Variants in TPP1 observed in about 807,000 individuals in gnomAD.
The protein encoded by TPP1 is tripeptidyl-peptidase 1.
A neutral mutation model predicts 67.6 loss-of-function variants in TPP1; 43 were observed. The ratio of observed to expected loss-of-function variants is 0.64; its 90% confidence interval spans 0.50 to 0.82. The LOEUF (loss-of-function observed/expected upper bound fraction) is 0.82. TPP1 is among the 40% of genes least tolerant of loss of function. TPP1 has a pLI of 0.00. For missense variants in TPP1, 671 were observed against 710.9 expected, an observed-to-expected ratio of 0.94 and a Z score of 0.64; for synonymous variants, 272 against 281.5, an observed-to-expected ratio of 0.97 and a Z score of 0.34.
intron 9 of TPP1, 88 bp downstream of exon 9, chr11:6,615,917 C>A: frequency 6.9e-7 from 1 of 1,452,652 alleles, no homozygotes; most frequent in Admixed American, 1.7e-5. Flanking sequence ...CACAGGAGCA[C>A]ATGGTGGGGT....
chr11:6,618,072 C>A, intron 3 of TPP1: 1 of 450,162 alleles, frequency 2.2e-6, no homozygotes. Flanking sequence ...ATAAATTTTC[C>A]ATTTTAATTT....
rs138941580 is a variant in TPP1, at chr11:6,614,903, G to A, written c.1514C>T (p.Pro505Leu). 1.2e-6 allele frequency: 2 copies of A among 1,614,098 alleles called. No individual in the cohort carries two copies. Among genetic ancestry groups the A allele is most frequent in the African/African-American group, 1.3e-5 (1 of 75,008 alleles). ...SGRPPLGFLNPRLYQQHGAGL... is the reference protein window; with the variant it reads ...SGRPPLGFLNLRLYQQHGAGL... ...TGCCCCATGCTGCTGGTAGAGCCTT[G>A]GGTTGAGAAAGCCAAGAGGGGGGCG... is the stretch of plus-strand genomic sequence containing the variant. The change falls in exon 12 of 13, where the codon CCA becomes CTA. Residue 505 changes from proline to leucine, a missense_variant. By Grantham distance (98) the Pro-to-Leu change is moderately conservative. Transcript: ENST00000299427.
In TPP1 at chr11:6,614,662, A is replaced by G. The variant is rs1855547931; in HGVS notation, c.1576T>C (p.Cys526Arg). 6.2e-7 allele frequency: 1 copy of G among 1,614,154 alleles called. No individual in the cohort carries two copies. The highest frequency in any genetic ancestry group is 8.5e-7 in the Non-Finnish European group (1 of 1,180,010). Residue 526 changes from cysteine (C) to arginine (R), a missense_variant, in exon 13 of 13, where the codon TGT (cysteine) becomes CGT (arginine). Physicochemically the swap from Cys to Arg is radical, Grantham distance 180 (BLOSUM62 -3). Coordinates refer to ENST00000299427, the MANE Select transcript of TPP1 (RefSeq NM_000391.4). ...TGGCCCTCTACCTCTTCATCCAGAC[A>G]GGACTCATGGCAGCCACGGGTTACC... is the stretch of plus-strand genomic sequence containing the variant. ...FDVTRGCHES[C>R]LDEEVEGQGF...
chr11:6,619,336 G>A (rs1234491845), intron 1 of TPP1, 48 bp downstream of exon 1: 1 of 1,614,092 alleles, frequency 6.2e-7, no homozygotes, highest in East Asian at 2.2e-5. Flanking sequence ...CCCAATGTGT[G>A]CTCCCTCCAA....
In TPP1 at chr11:6,616,656, A is replaced by G; in HGVS notation, c.886+5T>C. On this transcript the variant is annotated splice_donor_5th_base_variant and intron_variant, in intron 7 of 12. Coordinates refer to ENST00000299427, the MANE Select transcript of TPP1 (RefSeq NM_000391.4). ...TTCCCCACTGTCCAGTCCTCTTGGT[A>G]GTACCAGGGCTACTGTAGACCCAGG... The G allele has an allele frequency of 1.2e-6, 2 of 1,613,902 alleles. No individual in the cohort carries two copies. The highest frequency in any genetic ancestry group is 1.7e-6 in the Non-Finnish European group (2 of 1,179,976).
rs121908203 is a variant in TPP1 at position 6,615,179 on chromosome 11, C to T, written c.1417G>A (p.Gly473Arg). 25 of 1,614,124 alleles carry T rather than the reference C, an allele frequency of 1.5e-5. No individual in the cohort carries two copies. The highest frequency in any genetic ancestry group is 1.6e-4 in the Middle Eastern group (1 of 6,062). The change falls in exon 11 of 13, where the codon GGA becomes AGA. Residue 473 changes from glycine to arginine, a missense_variant. Physicochemically the swap from Gly to Arg is moderately radical, Grantham distance 125. Transcript: ENST00000299427. Reference protein sequence around the residue: ...SNRVPIPWVSGTSASTPVFGG... With the variant: ...SNRVPIPWVSRTSASTPVFGG... The stretch of plus-strand genomic sequence containing the variant: ...GATGGGCTGATTCTCACCGAGGTTC[C>T]GGACACCCATGGAATGGGCACTCTG...
rs117834287 is a variant in TPP1 at position 6,615,070 on chromosome 11, G to A, written c.1426-79C>T. On this transcript the variant is annotated intron_variant, in intron 11 of 12. Coordinates refer to ENST00000299427, the MANE Select transcript of TPP1 (RefSeq NM_000391.4). ...TTGGGAGTGATGCTTTAAAGTATCAGACATCTCTAAGGAGTCAGGGGTTCT... is the reference window on the plus strand; with the variant it reads ...TTGGGAGTGATGCTTTAAAGTATCAAACATCTCTAAGGAGTCAGGGGTTCT... 413 of 1,612,886 alleles carry A rather than the reference G, an allele frequency of 2.6e-4. 4 individuals are homozygous for A. The East Asian group carries it at 8.2e-3, about 32-fold the overall frequency.
At position 6,614,441 on chromosome 11, in the gene TPP1, C is replaced by T; in HGVS notation, c.*105G>A. ...GGTTAGGGAGATAAGCTGTCTGCAG[C>T]AGTCAATAGTTGAGGGTTCAGCAGG... On this transcript the variant is annotated 3_prime_UTR_variant, in exon 13 of 13. Transcript: ENST00000299427. 6.7e-7 allele frequency: 1 copy of T among 1,492,658 alleles called. No homozygotes were observed. The highest frequency in any genetic ancestry group is 1.2e-5 in the South Asian group (1 of 86,380). 92.5% of individuals were successfully genotyped at this position (1,492,658 alleles called of 1,614,324 possible).
At position 6,616,273 on chromosome 11, in the gene TPP1, G is replaced by A. The variant is rs2072651; in HGVS notation, c.1075+42C>T. The A allele has an allele frequency of 0.17, 277,305 of 1,611,728 alleles. 24,944 individuals are homozygous for A. Among genetic ancestry groups the A allele is most frequent in the East Asian group, 0.33 (14,940 of 44,860 alleles). ...ACTGTGGAGTCAAAGCTCCCAGGCT[G>A]CAGAGGTGTAAGCATTGTCTAAGTT... is the stretch of plus-strand genomic sequence containing the variant. On this transcript the variant is annotated intron_variant, in intron 8 of 12. Coordinates refer to ENST00000299427, the MANE Select transcript of TPP1 (RefSeq NM_000391.4).
At chr11:6,618,426 G>A (rs769963581) in intron 3 of TPP1, 9 of 507,354 alleles carry the variant, frequency 1.8e-5, no homozygotes, top group Non-Finnish European at 3.2e-5. Context: ...AATAAATAAC[G>A]GAGTTGGTCG....
chr11:6,616,034 GTGTCTTCC>G lies in TPP1; in HGVS notation c.1108_1115del (p.Gly370ProfsTer30). Reference sequence around the variant, plus strand: ...AGGCAGGGAAGGTAGGGCGGAACTGGTGTCTTCCAGAGACAGACCAACACCCGGCCCCA... The same window carrying G: ...AGGCAGGGAAGGTAGGGCGGAACTGGAGAGACAGACCAACACCCGGCCCCA... On this transcript the variant is annotated frameshift_variant, in exon 9 of 13. Coordinates refer to ENST00000299427, the MANE Select transcript of TPP1 (RefSeq NM_000391.4). LOFTEE classifies it high-confidence loss of function. 6.2e-7 allele frequency: 1 copy of G among 1,614,206 alleles called. No homozygotes were observed. Among genetic ancestry groups the G allele is most frequent in the Non-Finnish European group, 8.5e-7 (1 of 1,180,038 alleles).
chr11:6,615,709 G>A (rs1485342701), intron 9 of TPP1, 147 bp from the exon 10 acceptor site: 3 of 1,086,780 alleles, frequency 2.8e-6, no homozygotes, highest in Admixed American at 4.0e-5. Context: ...GAGATTTTGA[G>A]CCTTCAAGGC....
In TPP1 at chr11:6,613,322, G is replaced by C. The variant is rs527416025; in HGVS notation, c.*1224C>G. 1 of 152,204 alleles carries C rather than the reference G, an allele frequency of 6.6e-6. No individual in the cohort carries two copies. The highest frequency in any genetic ancestry group is 2.4e-5 in the African/African-American group (1 of 41,436). 9.4% of individuals were successfully genotyped at this position (152,204 alleles called of 1,614,324 possible). A position where few individuals can be genotyped will look rare whatever the true frequency, so the allele number is the denominator to read the frequency against. ...TCAGGGGTGGTAAGGGGACGGAACA[G>C]CTTGAGCAAGAGTGAGAGTTCCTTG... is the stretch of plus-strand genomic sequence containing the variant. On this transcript the variant is annotated 3_prime_UTR_variant, in exon 13 of 13. Coordinates refer to ENST00000299427, the MANE Select transcript of TPP1 (RefSeq NM_000391.4).
Position 6,617,080 on chromosome 11 carries a change from T to A in TPP1, c.582A>T (p.Val194=). 1 of 1,614,114 alleles carries A rather than the reference T, an allele frequency of 6.2e-7. No homozygotes were observed. Residue 194 remains valine, a synonymous_variant, in exon 6 of 13, where the codon GTA becomes GTT. Coordinates refer to ENST00000299427, the MANE Select transcript of TPP1 (RefSeq NM_000391.4). The part of the protein sequence containing the change: ...QRPEPQVTGT[V]GLHLGVTPSV... ...AGGGGGTTACCCCCAGATGCAGGCCTACAGTCCCTGTCACCTGCGGCTCAG... is the reference window on the plus strand; with the variant it reads ...AGGGGGTTACCCCCAGATGCAGGCCAACAGTCCCTGTCACCTGCGGCTCAG...
chr11:6,615,593 G>C (rs375550540), intron 9 of TPP1, 31 bp from the exon 10 acceptor site: 4 of 1,613,606 alleles, frequency 2.5e-6, no homozygotes, highest in Non-Finnish European at 3.4e-6. Flanking sequence ...TTGGATAGTA[G>C]GGGACCCAAG....
intron 3 of TPP1, chr11:6,618,505 T>C (rs751898644): frequency 1.2e-4 from 73 of 597,404 alleles, no homozygotes; most frequent in Non-Finnish European, 2.1e-4. Flanking sequence ...AGCCTTAGTA[T>C]GTGAACAAAA....
chr11:6,614,512 C>G lies in TPP1; in HGVS notation c.*34G>C. The G allele has an allele frequency of 1.2e-6, 2 of 1,614,020 alleles. No homozygotes were observed. The highest frequency in any genetic ancestry group is 1.7e-6 in the Non-Finnish European group (2 of 1,179,990). The stretch of plus-strand genomic sequence containing the variant: ...AGGGACTGAACTGCCAGCTTCAGGG[C>G]AGGGGACAAGCCATCTCTCCTGATA... On this transcript the variant is annotated 3_prime_UTR_variant, in exon 13 of 13. Coordinates refer to ENST00000299427, the MANE Select transcript of TPP1 (RefSeq NM_000391.4).
In TPP1 at chr11:6,615,091, G is replaced by A; in HGVS notation, c.1425+80C>T. 3.1e-6 allele frequency: 5 copies of A among 1,613,754 alleles called. No individual in the cohort carries two copies. The South Asian group carries it at 5.5e-5, about 18-fold the overall frequency. On this transcript the variant is annotated intron_variant, in intron 11 of 12. Coordinates refer to ENST00000299427, the MANE Select transcript of TPP1 (RefSeq NM_000391.4). ...ATCAGACATCTCTAAGGAGTCAGGGGTTCTAGGTGCAAGGTGTTCAAGGTG... is the reference window on the plus strand; with the variant it reads ...ATCAGACATCTCTAAGGAGTCAGGGATTCTAGGTGCAAGGTGTTCAAGGTG...
In TPP1 at chr11:6,614,601, G is replaced by C. The variant is rs767154380; in HGVS notation, c.1637C>G (p.Thr546Arg). ...TGGGAAGTTGGGTGTTCCCCAGCCT[G>C]TTACAGGATCCCAGCCAGGACCAGA... Reference protein sequence around the residue: ...FCSGPGWDPVTGWGTPNFPAL... With the variant: ...FCSGPGWDPVRGWGTPNFPAL... The change falls in exon 13 of 13, where the codon ACA (threonine) becomes AGA (arginine). Residue 546 changes from threonine to arginine, a missense_variant. Physicochemically the swap from Thr to Arg is moderately conservative, Grantham distance 71. Transcript: ENST00000299427. The C allele has an allele frequency of 6.2e-7, 1 of 1,614,150 alleles. No individual in the cohort carries two copies. The highest frequency in any genetic ancestry group is 8.5e-7 in the Non-Finnish European group (1 of 1,180,010).
Sources: gnomAD v4.1 joint callset for allele counts on GRCh38, gnomAD v4.1.1 for gene constraint, MANE v1.5 for transcripts, NCBI Gene and HGNC (gene_info 2026-07-23, HGNC 2026-07-21) for gene names.